TGFBRAP1: variants seen among roughly 807,000 people sequenced by gnomAD.
The protein encoded by TGFBRAP1 is transforming growth factor beta receptor associated protein 1.
TGFBRAP1 carries 20 observed loss-of-function variants against 83.2 expected under a neutral mutation model. The observed-to-expected ratio is 0.24, with a 90% confidence interval of 0.17 to 0.35. The LOEUF (loss-of-function observed/expected upper bound fraction) is 0.35, where lower values mean the gene tolerates loss of function less well. Ranked by LOEUF, TGFBRAP1 falls within the 10% of genes least tolerant of loss-of-function variation. The pLI is 1.00. For synonymous variants in TGFBRAP1, 415 were observed against 459.8 expected (o/e 0.90, Z 1.25); for missense variants, 950 against 1,099.4 (o/e 0.86, Z 1.92).
chr2:105,273,949 T>C (rs565301621), intron 8 of TGFBRAP1, among the ~76,000 whole-genome samples: 67 of 152,300 alleles, frequency 4.4e-4, no homozygotes, highest in African/African-American at 1.5e-3. Flanking sequence ...AAAGCCAGCC[T>C]ATACCCTGAA....
intron 2 of TGFBRAP1, among the ~76,000 whole-genome samples, chr2:105,306,712 T>G (rs1678511518): frequency 6.6e-6 from 1 of 151,986 alleles, no homozygotes; most frequent in Admixed American, 6.6e-5. Flanking sequence ...GCAGGGAGAA[T>G]CGCTTGAACC....
intron 4 of TGFBRAP1, among the ~76,000 whole-genome samples, chr2:105,286,339 A>G (rs895759705): frequency 2.6e-5 from 4 of 152,160 alleles, no homozygotes; most frequent in African/African-American, 9.7e-5. Context: ...AATTTTACCA[A>G]GCATGGCCAA....
At position 105,269,575 on chromosome 2, in the gene TGFBRAP1, C is replaced by T; in HGVS notation, c.2103G>A (p.Leu701=). 1.9e-6 allele frequency: 3 copies of T among 1,611,614 alleles called. No individual in the cohort carries two copies. The highest frequency in any genetic ancestry group is 2.5e-6 in the Non-Finnish European group (3 of 1,178,774). Reference sequence around the variant, plus strand: ...GTGGGTCTCGGCCCTCGGAGCACCACAGGCAGTAGTCCTCGGCCGCTGCAA... The same window carrying T: ...GTGGGTCTCGGCCCTCGGAGCACCATAGGCAGTAGTCCTCGGCCGCTGCAA... The part of the protein sequence containing the change: ...QDFAAAEDYC[L]WCSEGRDPPH... Residue 701 remains leucine (L), a synonymous_variant, in exon 11 of 12, where the codon CTG becomes CTA. Transcript: ENST00000393359. The surrounding 1 kb of genome is among the most constrained non-coding windows in gnomAD (Gnocchi z 4.1).
chr2:105,297,687 A>G (rs1317690333), intron 3 of TGFBRAP1, among the ~76,000 whole-genome samples: 1 of 152,254 alleles, frequency 6.6e-6, no homozygotes, highest in Non-Finnish European at 1.5e-5. Context: ...TTGGCAGGAC[A>G]TGAGATGGTA....
rs1676873770 is a variant in TGFBRAP1 at position 105,265,017 on chromosome 2, TAC to T, written c.*2364_*2365del. The T allele has an allele frequency of 6.6e-6, 1 of 152,212 alleles. No individual in the cohort carries two copies. Among genetic ancestry groups the T allele is most frequent in the African/African-American group, 2.4e-5 (1 of 41,444 alleles). 9.4% of individuals were successfully genotyped at this position (152,212 alleles called of 1,614,324 possible). A position where few individuals can be genotyped will look rare whatever the true frequency, so the allele number is the denominator to read the frequency against. On this transcript the variant is annotated 3_prime_UTR_variant, in exon 12 of 12. Transcript: ENST00000393359. ...GAGTGAGAGAAAGGTTAGAGAAAAG[TAC>T]AGTTTTAACATATGAGACAATTCTT...
chr2:105,307,570 G>C (rs13386654), intron 2 of TGFBRAP1, 44 bp downstream of exon 2: 1 of 1,552,676 alleles, frequency 6.4e-7, no homozygotes, highest in Non-Finnish European at 8.7e-7. Context: ...CGCAGTCACC[G>C]AGGCCACCCA....
At chr2:105,315,316 T>C (rs913856005) in intron 1 of TGFBRAP1, among the ~76,000 whole-genome samples, 4 of 152,136 alleles carry the variant, frequency 2.6e-5, no homozygotes, top group African/African-American at 9.7e-5. Flanking sequence ...GCACAGAACA[T>C]AGCATAGTCA....
chr2:105,325,057 T>A (rs970475071), intron 1 of TGFBRAP1: 2 of 152,328 alleles, frequency 1.3e-5, no homozygotes, highest in Admixed American at 6.5e-5. Flanking sequence ...TCCTATACCA[T>A]TCTCCAGCTA....
At chr2:105,257,362 C>T in the TGFBRAP1 span, among the ~76,000 whole-genome samples, 1 of 152,098 alleles carries the variant, frequency 6.6e-6, no homozygotes, top group Non-Finnish European at 1.5e-5. Context: ...CATTGTTATG[C>T]AATCATCACC....
chr2:105,304,047 C>G (rs1327755933), intron 2 of TGFBRAP1, among the ~76,000 whole-genome samples: 3 of 152,096 alleles, frequency 2.0e-5, no homozygotes, highest in Non-Finnish European at 2.9e-5. Flanking sequence ...CATACAAATA[C>G]TTAAACATAA....
At chr2:105,272,770 T>A (rs1206566473) in intron 10 of TGFBRAP1, 85 bp downstream of exon 10, 23 of 1,537,636 alleles carry the variant, frequency 1.5e-5, no homozygotes, top group Non-Finnish European at 1.8e-5. Context: ...AACCAGCAGC[T>A]GTGCCAAAGC....
At chr2:105,270,329 A>T (rs1258882288) in intron 10 of TGFBRAP1, among the ~76,000 whole-genome samples, 1 of 152,206 alleles carries the variant, frequency 6.6e-6, no homozygotes, top group African/African-American at 2.4e-5. Context: ...CCAAAGCGTC[A>T]TTCCTGACCA....
At chr2:105,283,066 C>A (rs2104341775) in intron 5 of TGFBRAP1, among the ~76,000 whole-genome samples, 1 of 152,250 alleles carries the variant, frequency 6.6e-6, no homozygotes, top group Middle Eastern at 3.4e-3. Context: ...TGGGATACAC[C>A]CATGACCCCG....
intron 4 of TGFBRAP1, among the ~76,000 whole-genome samples, chr2:105,284,678 G>C (rs539494309): frequency 1.3e-5 from 2 of 152,246 alleles, no homozygotes; most frequent in Admixed American, 1.3e-4. Flanking sequence ...TTGCTGAGAT[G>C]GATATCAACA....
intron 1 of TGFBRAP1, chr2:105,324,430 T>A (rs1307853441): frequency 1.3e-5 from 2 of 152,216 alleles, no homozygotes; most frequent in African/African-American, 4.8e-5. Flanking sequence ...CATAAGACTG[T>A]GTCAGTGACT....
chr2:105,254,884 C>T, the TGFBRAP1 span, among the ~76,000 whole-genome samples: 9 of 152,104 alleles, frequency 5.9e-5, no homozygotes, highest in African/African-American at 9.7e-5. Context: ...CATGTGAGGA[C>T]GCAGCATGAA....
chr2:105,260,120 A>G (rs1330790089), downstream of TGFBRAP1, among the ~76,000 whole-genome samples: 1 of 152,222 alleles, frequency 6.6e-6, no homozygotes, highest in African/African-American at 2.4e-5. Context: ...AAAGGAAGAA[A>G]ATTCATGGCT....
chr2:105,310,212 G>A (rs1024782873), intron 1 of TGFBRAP1, among the ~76,000 whole-genome samples: 15 of 152,076 alleles, frequency 9.9e-5, no homozygotes, highest in South Asian at 2.1e-4. Context: ...TATAAAATGC[G>A]GACAGCTGGC....
At position 105,314,024 on chromosome 2, in the gene TGFBRAP1, A is replaced by C. The variant is rs185640873; in HGVS notation, c.-17-5706T>G. ...GGAAATAAGATGATCAGAGTCATTT[A>C]GGGTGAGCTCTAATCAAATATGACT... is the stretch of plus-strand genomic sequence containing the variant. On this transcript the variant is annotated intron_variant, in intron 1 of 11. Coordinates refer to ENST00000393359, the MANE Select transcript of TGFBRAP1 (RefSeq NM_004257.6). Among the ~76,000 whole-genome samples, 8 of 152,228 alleles carry C rather than the reference A, an allele frequency of 5.3e-5. No homozygotes were observed. The East Asian group carries it at 1.4e-3, about 26-fold the overall frequency.
Sources: allele counts gnomAD v4.1 joint callset (sites outside exome capture counted in the v4.1 genomes callset), GRCh38; gene constraint gnomAD v4.1.1; non-coding constraint Gnocchi (gnomAD v3.1); transcripts MANE v1.5; gene names NCBI Gene and HGNC (gene_info 2026-07-23, HGNC 2026-07-21).